The following PCDH15 variants were observed in gnomAD, a reference collection of about 807,000 sequenced individuals.
PCDH15 encodes protocadherin related 15.
In PCDH15, 129 loss-of-function variants were observed where a neutral mutation model predicts 178.5. The ratio of observed to expected loss-of-function variants is 0.72; its 90% CI spans 0.63 to 0.84. The LOEUF (loss-of-function observed/expected upper bound fraction) is 0.84. Ranked by LOEUF, PCDH15 falls within the 40% of genes least tolerant of loss-of-function variation. PCDH15 has a pLI of 0.00. For missense variants in PCDH15, 2,230 were observed against 2,099.9 expected, an observed-to-expected ratio of 1.06 and a Z score of -1.21; for synonymous variants, 800 against 732.0, an observed-to-expected ratio of 1.09 and a Z score of -1.50.
intron 2 of PCDH15, among the ~76,000 whole-genome samples, chr10:55,035,567 T>C (rs1021776272): frequency 2.0e-5 from 3 of 152,198 alleles, no homozygotes; most frequent in Admixed American, 6.5e-5. Flanking sequence ...TAACTATTCA[T>C]GGTACTCTGG....
chr10:54,006,973 A>C (rs933913595), intron 20 of PCDH15, among the ~76,000 whole-genome samples: 1 of 152,134 alleles, frequency 6.6e-6, no homozygotes, highest in Admixed American at 6.6e-5. Flanking sequence ...TCCTACTCCC[A>C]TGCAGCCATT....
intron 21 of PCDH15, among the ~76,000 whole-genome samples, chr10:53,971,969 C>CCA (rs200834636): frequency 0.7 from 106,937 of 151,714 alleles, 38,052 homozygotes; most frequent in East Asian, 0.87. Flanking sequence ...AAAAAAGAGC[C>CCA]CACAGCCAAG....
intron 26 of PCDH15, among the ~76,000 whole-genome samples, chr10:53,898,021 C>T (rs1266740196): frequency 8.0e-6 from 1 of 125,288 alleles, no homozygotes; most frequent in East Asian, 2.6e-4. Context: ...GGCTGGAGTG[C>T]AGTGGCGTGA....
At chr10:54,426,158 T>C (rs896962198) in intron 3 of PCDH15, among the ~76,000 whole-genome samples, 1 of 152,180 alleles carries the variant, frequency 6.6e-6, no homozygotes, top group African/African-American at 2.4e-5. Context: ...GAAATTTAAG[T>C]AAGATTCTGT....
At chr10:54,944,734 A>T (rs577987927) in intron 2 of PCDH15, among the ~76,000 whole-genome samples, 5 of 151,902 alleles carry the variant, frequency 3.3e-5, no homozygotes, top group Non-Finnish European at 7.4e-5. Context: ...ATGAAATTTT[A>T]TTGAGATACG....
intron 2 of PCDH15, among the ~76,000 whole-genome samples, chr10:55,163,883 G>A (rs1165111193): frequency 6.6e-6 from 1 of 152,110 alleles, no homozygotes; most frequent in African/African-American, 2.4e-5. Flanking sequence ...TTTAGCGCAT[G>A]ATCAAGAAAT....
At chr10:53,836,492 A>G (rs902428510) in intron 29 of PCDH15, among the ~76,000 whole-genome samples, 1 of 141,028 alleles carries the variant, frequency 7.1e-6, no homozygotes, top group African/African-American at 2.5e-5. Flanking sequence ...CTGAGTAAGA[A>G]GACTGAGAAA....
chr10:54,974,285 T>A (rs1035824203), intron 2 of PCDH15, among the ~76,000 whole-genome samples: 1 of 152,044 alleles, frequency 6.6e-6, no homozygotes, highest in Non-Finnish European at 1.5e-5. Context: ...AGAAAACTCC[T>A]TTTACATTGA....
chr10:54,382,804 G>C (rs962941092), intron 3 of PCDH15, among the ~76,000 whole-genome samples: 1 of 152,018 alleles, frequency 6.6e-6, no homozygotes, highest in Non-Finnish European at 1.5e-5. Context: ...TGCTGTGTCT[G>C]GACTCCTGAC....
intron 8 of PCDH15, among the ~76,000 whole-genome samples, chr10:54,296,814 A>G (rs1298927565): frequency 6.6e-6 from 1 of 151,922 alleles, no homozygotes; most frequent in East Asian, 1.9e-4. Context: ...CACTCTTCCA[A>G]CCCTGGAGAT....
intron 2 of PCDH15, among the ~76,000 whole-genome samples, chr10:54,987,280 G>A (rs1012196837): frequency 3.3e-5 from 5 of 152,120 alleles, no homozygotes; most frequent in Non-Finnish European, 7.3e-5. Flanking sequence ...GGGCATTTGG[G>A]TTCATTCCAA....
intron 3 of PCDH15, among the ~76,000 whole-genome samples, chr10:54,442,454 AT>A (rs1364155817): frequency 4.3e-5 from 5 of 116,766 alleles, no homozygotes; most frequent in African/African-American, 1.9e-4. Flanking sequence ...ATATATATAT[AT>A]ATATACAGTC....
At chr10:55,080,814 G>A (rs1273641930) in intron 2 of PCDH15, among the ~76,000 whole-genome samples, 1 of 152,164 alleles carries the variant, frequency 6.6e-6, no homozygotes, top group Non-Finnish European at 1.5e-5. Context: ...ATGTGAGCCA[G>A]AGTACAAATG....
At chr10:53,899,807 C>T (rs1043661107) in intron 26 of PCDH15, among the ~76,000 whole-genome samples, 2 of 152,168 alleles carry the variant, frequency 1.3e-5, no homozygotes, top group Non-Finnish European at 2.9e-5. Flanking sequence ...AACTCATGCT[C>T]TGATTAAATT....
intron 3 of PCDH15, among the ~76,000 whole-genome samples, chr10:54,388,417 T>A (rs1240001123): frequency 6.6e-6 from 1 of 152,164 alleles, no homozygotes; most frequent in African/African-American, 2.4e-5. Flanking sequence ...ATCACTTTCA[T>A]CTTCACTTCA....
At chr10:55,338,643 T>C (rs750963432) in intron 2 of PCDH15, among the ~76,000 whole-genome samples, 1 of 151,912 alleles carries the variant, frequency 6.6e-6, no homozygotes, top group Non-Finnish European at 1.5e-5. Context: ...TGGGGTGCAC[T>C]TGTAATCCCT....
chr10:54,127,310 G>A (rs1414833691), intron 15 of PCDH15, among the ~76,000 whole-genome samples: 2 of 152,106 alleles, frequency 1.3e-5, no homozygotes, highest in African/African-American at 4.8e-5. Flanking sequence ...GGCAAATTGT[G>A]GTTGAATTTC....
At chr10:55,593,531 T>A (rs1842883172) in intron 2 of PCDH15, among the ~76,000 whole-genome samples, 1 of 151,926 alleles carries the variant, frequency 6.6e-6, no homozygotes, top group Non-Finnish European at 1.5e-5. Flanking sequence ...AGAGACAATT[T>A]TTTCTCTGGT....
chr10:54,729,422 GACTTA>G (rs1943036357), intron 1 of PCDH15, among the ~76,000 whole-genome samples: 1 of 151,452 alleles, frequency 6.6e-6, no homozygotes, highest in African/African-American at 2.4e-5. Context: ...ATGGATTTAA[GACTTA>G]AATGAAAAAC....
Sources: allele counts gnomAD v4.1 joint callset (sites outside exome capture counted in the v4.1 genomes callset), GRCh38; gene constraint gnomAD v4.1.1; transcripts MANE v1.5; gene names NCBI Gene and HGNC (gene_info 2026-07-23, HGNC 2026-07-21).